Variants in ZC3H13 observed in about 807,000 individuals in gnomAD.
ZC3H13 encodes the protein zinc finger CCCH-type containing 13.
A neutral mutation model predicts 204.1 loss-of-function variants in ZC3H13; 64 were observed. The ratio of observed to expected loss-of-function variants is 0.31; its 90% CI spans 0.26 to 0.39. ZC3H13 has a LOEUF of 0.39. Among genes scored for constraint, ZC3H13 ranks in the 10% least tolerant of loss-of-function variants. ZC3H13 has a pLI of 1.00. For synonymous variants in ZC3H13, 667 were observed against 693.7 expected, an observed-to-expected ratio of 0.96 and a Z score of 0.60; for missense variants, 1,833 against 2,082.7, an observed-to-expected ratio of 0.88 and a Z score of 2.33.
Position 45,979,943 on chromosome 13 carries a change from G to C in ZC3H13, c.1782C>G (p.Asp594Glu). 1 of 1,612,216 alleles carries C rather than the reference G, an allele frequency of 6.2e-7. No homozygotes were observed. The highest frequency in any genetic ancestry group is 8.5e-7 in the Non-Finnish European group (1 of 1,179,076). ...GATAGCTACTTCGAGTTTCCCAGCT[G>C]TCATGATAGTTGCTATTACTACTGT... Reference protein sequence around the residue: ...DSHSSNSNYHDSWETRSSYPE... With the variant: ...DSHSSNSNYHESWETRSSYPE... Residue 594 changes from aspartate to glutamate, a missense_variant, in exon 11 of 19, where the codon GAC (aspartate) becomes GAG (glutamate). Asp to Glu is a conservative substitution (Grantham distance 45). This residue lies in a region of ZC3H13 where 1,574 missense variants were observed against 1,757.2 expected (regional missense o/e 0.90). Coordinates refer to ENST00000679008, the MANE Select transcript of ZC3H13 (RefSeq NM_001330564.2).
Position 46,010,478 on chromosome 13 carries a change from A to G in ZC3H13, c.616T>C (p.Leu206=). 1 of 1,613,544 alleles carries G rather than the reference A, an allele frequency of 6.2e-7. No homozygotes were observed. Among genetic ancestry groups the G allele is most frequent in the Non-Finnish European group, 8.5e-7 (1 of 1,179,594 alleles). ...EVSPEVVRSK[L]SPSPSLRKSS... ...TTTCTTAGAGAAGGTGACGGGGACA[A>G]TTTTGATCTAACCACTTCTGGTGAA... The change falls in exon 7 of 19, where the codon TTG becomes CTG. Residue 206 remains leucine (L), a synonymous_variant. Coordinates refer to ENST00000679008, the MANE Select transcript of ZC3H13 (RefSeq NM_001330564.2).
Position 45,969,526 on chromosome 13 carries a change from T to G in ZC3H13, c.3018A>C (p.Lys1006Asn), listed in dbSNP as rs1593472757. Residue 1006 changes from lysine to asparagine, a missense_variant, in exon 14 of 19, where the codon AAA becomes AAC. Transcript: ENST00000679008. Reference protein sequence around the residue: ...KGQKKKSIEKKRKKSKGDSDI... With the variant: ...KGQKKKSIEKNRKKSKGDSDI... ...CAGAATCACCTTTGGATTTTTTACG[T>G]TTTTTTTCAATGCTTTTCTTTTTCT... 2 of 1,602,510 alleles carry G rather than the reference T, an allele frequency of 1.2e-6. No individual in the cohort carries two copies. The highest frequency in any genetic ancestry group is 1.4e-5 in the African/African-American group (1 of 73,840).
At chr13:45,980,285 A>G (rs1156776379) in intron 10 of ZC3H13, among the ~76,000 whole-genome samples, 1 of 152,178 alleles carries the variant, frequency 6.6e-6, no homozygotes, top group East Asian at 1.9e-4. Flanking sequence ...TCCCCCCAAA[A>G]AAAACAAAAA....
At chr13:45,982,363 T>C (rs1011211038) in intron 10 of ZC3H13, among the ~76,000 whole-genome samples, 2 of 151,728 alleles carry the variant, frequency 1.3e-5, no homozygotes, top group South Asian at 2.1e-4. Flanking sequence ...TAAGAAAAAA[T>C]TGGTAAACTA....
chr13:45,962,313 T>C (rs1951748731), intron 17 of ZC3H13: 1 of 985,372 alleles, frequency 1.0e-6, no homozygotes, highest in Non-Finnish European at 1.2e-6. Context: ...ATTTTCACTG[T>C]TTAGGTTAAG....
In ZC3H13 at chr13:45,957,219, G is replaced by C. The variant is rs1274309269; in HGVS notation, c.4918C>G (p.Arg1640Gly). The C allele has an allele frequency of 1.6e-5, 25 of 1,548,440 alleles. No individual in the cohort carries two copies. The highest frequency in any genetic ancestry group is 2.1e-5 in the Non-Finnish European group (24 of 1,145,926). Residue 1640 changes from arginine (R) to glycine (G), a missense_variant, in exon 19 of 19, where the codon CGG (arginine) becomes GGG (glycine). This residue lies in a region of ZC3H13 where 211 missense variants were observed against 228.4 expected (regional missense o/e 0.92). Coordinates refer to ENST00000679008, the MANE Select transcript of ZC3H13 (RefSeq NM_001330564.2). ...CCTGGAGCATGGCAAGTAGTCTTCC[G>C]CTTAAATAACCGAAGACTCAATCGA... ...LLRLSLRLFK[R>G]KTTCHAPGHE... is the part of the protein sequence containing the mutation.
intron 4 of ZC3H13, among the ~76,000 whole-genome samples, chr13:46,028,453 T>A (rs1161418181): frequency 6.6e-6 from 1 of 152,164 alleles, no homozygotes; most frequent in Non-Finnish European, 1.5e-5. Flanking sequence ...AACAGCACCA[T>A]CAACAAAATT....
intron 14 of ZC3H13, 124 bp from the exon 15 acceptor site, chr13:45,968,152 T>C: frequency 1.1e-6 from 1 of 937,986 alleles, no homozygotes; most frequent in Non-Finnish European, 1.5e-6. Context: ...ACTTTCTATG[T>C]TCCATATTGT....
At chr13:45,970,548 C>A (rs1033642028) in intron 12 of ZC3H13, 83 bp from the exon 13 acceptor site, 1 of 1,078,038 alleles carries the variant, frequency 9.3e-7, no homozygotes, top group Non-Finnish European at 1.4e-6. Flanking sequence ...TATCTCTTTA[C>A]TATAACTGGA....
intron 4 of ZC3H13, among the ~76,000 whole-genome samples, chr13:46,025,261 C>A (rs1294977210): frequency 2.0e-5 from 3 of 152,158 alleles, no homozygotes; most frequent in Non-Finnish European, 4.4e-5. Context: ...CTTCTCCTAT[C>A]ATCCATCTAT....
chr13:45,966,199 G>C (rs527854578), intron 15 of ZC3H13, among the ~76,000 whole-genome samples: 30 of 151,996 alleles, frequency 2.0e-4, no homozygotes, highest in Admixed American at 3.9e-4. Context: ...ACAATCACTA[G>C]CTAACCATAC....
rs1010069566 is a variant in ZC3H13, at chr13:46,010,200, A to G, written c.746+148T>C. ...ATTGTTCTCTATAATTGTCTTTTTA[A>G]TTGAAACATTTCAAATTTCTTTTTA... On this transcript the variant is annotated intron_variant, in intron 7 of 18. Transcript: ENST00000679008. 4.1e-5 allele frequency: 32 copies of G among 778,628 alleles called. 1 individual carries two copies. The highest frequency in any genetic ancestry group is 7.2e-6 in the Non-Finnish European group (4 of 554,962). The allele number at this position is 778,628 out of a possible 1,614,324, so 48.2% of individuals were successfully genotyped here. A position where few individuals can be genotyped will look rare whatever the true frequency, so the allele number is the denominator to read the frequency against.
intron 4 of ZC3H13, among the ~76,000 whole-genome samples, chr13:46,038,115 T>C (rs1292076150): frequency 1.3e-5 from 2 of 152,186 alleles, no homozygotes; most frequent in Non-Finnish European, 2.9e-5. Flanking sequence ...ATTGCTAAAC[T>C]GTGAGTTTGG....
intron 5 of ZC3H13, among the ~76,000 whole-genome samples, chr13:46,015,061 AT>A (rs1213706178): frequency 6.6e-6 from 1 of 152,178 alleles, no homozygotes; most frequent in Non-Finnish European, 1.5e-5. Flanking sequence ...TTTCTATGAC[AT>A]TATTTCTCAG....
In ZC3H13 at chr13:46,052,327, G is replaced by GT. The variant is rs1003847261; in HGVS notation, c.-10+76_-10+77insA. The GT allele has an allele frequency of 1.8e-4, 72 of 390,270 alleles. 1 individual carries two copies. The highest frequency in any genetic ancestry group is 3.1e-4 in the Non-Finnish European group (69 of 221,628). The allele number at this position is 390,270 out of a possible 1,614,324, so 24.2% of individuals were successfully genotyped here. A position where few individuals can be genotyped will look rare whatever the true frequency, so the allele number is the denominator to read the frequency against. ...CAGTGACTCAAGCAAAGACGGGGGG[G>GT]GGTAACCCGGGCCTCCGCATTACGG... On this transcript the variant is annotated intron_variant, in intron 1 of 18. Coordinates refer to ENST00000679008, the MANE Select transcript of ZC3H13 (RefSeq NM_001330564.2).
At chr13:45,962,847 T>A (rs1214773398) in intron 17 of ZC3H13, 15 of 985,186 alleles carry the variant, frequency 1.5e-5, no homozygotes, top group Non-Finnish European at 1.8e-5. Context: ...TACTCGTCCC[T>A]CCCCATTAAT....
rs770383002 is a variant in ZC3H13 at position 46,010,500 on chromosome 13, T to C, written c.594A>G (p.Ser198=). ...REEIIIKKEV[S]PEVVRSKLSP... ...ACAATTTTGATCTAACCACTTCTGG[T>C]GAAACCTTTAAAAAAATTCAGTAAG... Residue 198 remains serine, a synonymous_variant, in exon 7 of 19, where the codon TCA becomes TCG. Coordinates refer to ENST00000679008, the MANE Select transcript of ZC3H13 (RefSeq NM_001330564.2). 19 of 1,608,332 alleles carry C rather than the reference T, an allele frequency of 1.2e-5. No individual in the cohort carries two copies. Among genetic ancestry groups the C allele is most frequent in the African/African-American group, 6.7e-5 (5 of 74,764 alleles).
chr13:45,961,782 C>T (rs1429594346), intron 17 of ZC3H13, among the ~76,000 whole-genome samples: 2 of 151,968 alleles, frequency 1.3e-5, no homozygotes, highest in Non-Finnish European at 2.9e-5. Context: ...GATGAATACT[C>T]TATTTTCCAT....
chr13:46,007,123 T>C (rs2138592314), intron 7 of ZC3H13, among the ~76,000 whole-genome samples: 1 of 152,318 alleles, frequency 6.6e-6, no homozygotes. Flanking sequence ...AAACTATTTT[T>C]ACATTATCAC....
Sources: allele counts gnomAD v4.1 joint callset (sites outside exome capture counted in the v4.1 genomes callset), GRCh38; gene constraint gnomAD v4.1.1; regional missense constraint gnomAD v4.1.1; transcripts MANE v1.5; gene names NCBI Gene and HGNC (gene_info 2026-07-23, HGNC 2026-07-21).